FMNL3: variants seen among roughly 807,000 people sequenced by gnomAD.
FMNL3 encodes the protein formin like 3.
Under a neutral mutation model 119.6 loss-of-function variants are expected in FMNL3, and 57 were observed. The ratio of observed to expected loss-of-function variants is 0.48; its 90% CI spans 0.39 to 0.59. The LOEUF (loss-of-function observed/expected upper bound fraction) is 0.59, where lower values mean the gene tolerates loss of function less well. Ranked by LOEUF, FMNL3 falls within the 20% of genes least tolerant of loss-of-function variation. The pLI is 0.00. For missense variants in FMNL3, 1,053 were observed against 1,323.5 expected, an observed-to-expected ratio of 0.80 and a Z score of 3.17; for synonymous variants, 491 against 507.3, an observed-to-expected ratio of 0.97 and a Z score of 0.43.
chr12:49,692,034 C>CAAAAAAAA (rs773991970), intron 1 of FMNL3, among the ~76,000 whole-genome samples: 3 of 23,120 alleles, frequency 1.3e-4, no homozygotes, highest in Non-Finnish European at 2.1e-4. Context: ...GACTCCATCT[C>CAAAAAAAA]AAAAAAAAAA....
At chr12:49,689,651 G>C (rs1248859295) in intron 1 of FMNL3, among the ~76,000 whole-genome samples, 1 of 152,194 alleles carries the variant, frequency 6.6e-6, no homozygotes, top group Non-Finnish European at 1.5e-5. Flanking sequence ...AGGAGTTGGA[G>C]GCTACAGTAA....
In FMNL3 at chr12:49,642,043, C is replaced by T. The variant is rs749877244; in HGVS notation, c.*3772G>A. The T allele has an allele frequency of 1.7e-5, 28 of 1,605,972 alleles. No individual in the cohort carries two copies. Among genetic ancestry groups the T allele is most frequent in the South Asian group, 9.9e-5 (9 of 90,990 alleles). The stretch of plus-strand genomic sequence containing the variant: ...CAATAGTGTGAGGGGCTGGGCGGGG[C>T]GTGGGAAGTTCTCTAATTCATCTGT... On this transcript the variant is annotated 3_prime_UTR_variant, in exon 26 of 26. Coordinates refer to ENST00000335154, the MANE Select transcript of FMNL3 (RefSeq NM_175736.5). The surrounding 1 kb of genome is among the most constrained non-coding windows in gnomAD (Gnocchi z 5.8).
intron 1 of FMNL3, among the ~76,000 whole-genome samples, chr12:49,703,145 C>T (rs1449258524): frequency 2.0e-5 from 3 of 152,186 alleles, no homozygotes; most frequent in Non-Finnish European, 4.4e-5. Context: ...AACTTTTAGA[C>T]TCCATGTCAA....
chr12:49,706,865 G>T, intron 1 of FMNL3, among the ~76,000 whole-genome samples, 190 bp downstream of exon 1: 1 of 151,810 alleles, frequency 6.6e-6, no homozygotes, highest in Non-Finnish European at 1.5e-5. Context: ...TCGGTCCCGA[G>T]ATCCCCGACG....
intron 7 of FMNL3, 84 bp from the exon 8 acceptor site, chr12:49,656,983 G>A (rs1265414021): frequency 1.3e-6 from 2 of 1,532,668 alleles, no homozygotes; most frequent in African/African-American, 2.7e-5. Flanking sequence ...AGGCCCACCA[G>A]CAAACCTGTC....
At chr12:49,684,155 T>A (rs1269632944) in intron 1 of FMNL3, among the ~76,000 whole-genome samples, 2 of 152,218 alleles carry the variant, frequency 1.3e-5, no homozygotes, top group Admixed American at 1.3e-4. Context: ...TTTCTCCAGC[T>A]CTTAACACAA....
chr12:49,684,402 G>A (rs1944408874), intron 1 of FMNL3, among the ~76,000 whole-genome samples: 1 of 152,116 alleles, frequency 6.6e-6, no homozygotes, highest in African/African-American at 2.4e-5. Flanking sequence ...TAGTGCTTTT[G>A]TACTGTTATG....
At chr12:49,654,446 A>T in intron 10 of FMNL3, 144 bp from the exon 11 acceptor site, 1 of 607,886 alleles carries the variant, frequency 1.6e-6, no homozygotes, top group Non-Finnish European at 2.9e-6. Flanking sequence ...TTATGGGGGC[A>T]ATAAGAGTAT....
rs200871617 is a variant in FMNL3, at chr12:49,645,851, C to T, written c.3048G>A (p.Pro1016=). 51 of 1,606,428 alleles carry T rather than the reference C, an allele frequency of 3.2e-5. No homozygotes were observed. In the Middle Eastern group the frequency reaches 5.0e-4, roughly 16 times the overall value. The change falls in exon 26 of 26, where the codon CCG becomes CCA. Residue 1016 remains proline, a synonymous_variant. Coordinates refer to ENST00000335154, the MANE Select transcript of FMNL3 (RefSeq NM_175736.5). ...CTGGAGCCCGAGGGGGACCACTGGG[C>T]GGTGCAGCACTCCTGGCTTGGTGGC... ...VVRHQARSAA[P]PSGPPRAPGP... is the part of the protein sequence containing the mutation.
chr12:49,701,981 C>CA (rs1282771593), intron 1 of FMNL3, among the ~76,000 whole-genome samples: 1 of 151,868 alleles, frequency 6.6e-6, no homozygotes, highest in Non-Finnish European at 1.5e-5. Flanking sequence ...ATAACAAAAG[C>CA]AAAAAACAAA....
rs1278510739 is a variant in FMNL3 at position 49,645,112 on chromosome 12, A to G, written c.*703T>C. Reference sequence around the variant, plus strand: ...TGCTCCTTGTCCCCTGCCAAAAAAAAAAAAAAAAAAAAAAAAACCGTAGCT... The same window carrying G: ...TGCTCCTTGTCCCCTGCCAAAAAAAGAAAAAAAAAAAAAAAAACCGTAGCT... On this transcript the variant is annotated 3_prime_UTR_variant, in exon 26 of 26. Transcript: ENST00000335154. 6.6e-6 allele frequency: 1 copy of G among 151,186 alleles called. No homozygotes were observed. The highest frequency in any genetic ancestry group is 1.5e-5 in the Non-Finnish European group (1 of 67,734). The allele number at this position is 151,186 out of a possible 1,614,324, so 9.4% of individuals were successfully genotyped here. A position where few individuals can be genotyped will look rare whatever the true frequency, so the allele number is the denominator to read the frequency against.
In FMNL3 at chr12:49,648,347, A is replaced by G; in HGVS notation, c.2522T>C (p.Leu841Pro). Residue 841 changes from leucine (L) to proline (P), a missense_variant, in exon 22 of 26, where the codon CTG (leucine) becomes CCG (proline). By Grantham distance (98) the Leu-to-Pro change is moderately conservative (BLOSUM62 -3). This residue lies in a region of FMNL3 where 324 missense variants were observed against 380.9 expected (regional missense o/e 0.85). Coordinates refer to ENST00000335154, the MANE Select transcript of FMNL3 (RefSeq NM_175736.5). The stretch of plus-strand genomic sequence containing the variant: ...CTTCACGTCCAGCAGCACGTTCTCC[A>G]GGGACACTGGTCACCAAAAGCCTGG... ...HFVEKAAAVS[L>P]ENVLLDVKEL... 6.2e-7 allele frequency: 1 copy of G among 1,611,292 alleles called. No homozygotes were observed. The highest frequency in any genetic ancestry group is 8.5e-7 in the Non-Finnish European group (1 of 1,178,218).
chr12:49,692,017 G>A (rs561724614), intron 1 of FMNL3, among the ~76,000 whole-genome samples: 181 of 121,088 alleles, frequency 1.5e-3, no homozygotes, highest in African/African-American at 4.9e-3. Flanking sequence ...CCTGGCTGAC[G>A]TAGCAAGACT....
intron 1 of FMNL3, among the ~76,000 whole-genome samples, chr12:49,685,896 G>T (rs1166629435): frequency 6.6e-6 from 1 of 151,894 alleles, no homozygotes; most frequent in Non-Finnish European, 1.5e-5. Flanking sequence ...GTGAAACCCC[G>T]TCTCTACTAA....
At chr12:49,689,702 C>A (rs763282907) in intron 1 of FMNL3, among the ~76,000 whole-genome samples, 1 of 152,194 alleles carries the variant, frequency 6.6e-6, no homozygotes, top group African/African-American at 2.4e-5. Context: ...GGTGACAGAG[C>A]AAGCCCATTT....
At chr12:49,687,497 A>C (rs1944496988) in intron 1 of FMNL3, among the ~76,000 whole-genome samples, 1 of 152,184 alleles carries the variant, frequency 6.6e-6, no homozygotes, top group Non-Finnish European at 1.5e-5. Flanking sequence ...GACTACAGGC[A>C]CATGCCACCA....
rs1943139183 is a variant in FMNL3 at position 49,645,404 on chromosome 12, C to A, written c.*411G>T. 6.2e-6 allele frequency: 1 copy of A among 161,122 alleles called. No homozygotes were observed. Among genetic ancestry groups the A allele is most frequent in the Non-Finnish European group, 1.3e-5 (1 of 74,078 alleles). 10.0% of individuals were successfully genotyped at this position (161,122 alleles called of 1,614,324 possible). On this transcript the variant is annotated 3_prime_UTR_variant, in exon 26 of 26. Transcript: ENST00000335154. ...TGGCAGGGTCCCAGGGCTCCCTAAG[C>A]CTAGATACATCTAGACCAGAGCTGA...
chr12:49,686,034 T>C (rs376626962), intron 1 of FMNL3, among the ~76,000 whole-genome samples: 1 of 152,034 alleles, frequency 6.6e-6, no homozygotes, highest in African/African-American at 2.4e-5. Flanking sequence ...GCCACTGTAC[T>C]CCACCCTGGG....
chr12:49,641,469 T>C lies in FMNL3; in HGVS notation c.*4346A>G, dbSNP rs948160714. The C allele has an allele frequency of 3.0e-5, 5 of 164,774 alleles. No homozygotes were observed. Among genetic ancestry groups the C allele is most frequent in the African/African-American group, 1.2e-4 (5 of 41,720 alleles). The allele number at this position is 164,774 out of a possible 1,614,324, so 10.2% of individuals were successfully genotyped here. On this transcript the variant is annotated 3_prime_UTR_variant, in exon 26 of 26. Transcript: ENST00000335154. ...TAAATGTAGAACCAAGAGGATTAAA[T>C]GAGATAATGTGTGAAACACTCATCA...
Sources: allele counts gnomAD v4.1 joint callset (sites outside exome capture counted in the v4.1 genomes callset), GRCh38; gene constraint gnomAD v4.1.1; regional missense constraint gnomAD v4.1.1; non-coding constraint Gnocchi (gnomAD v3.1); transcripts MANE v1.5; gene names NCBI Gene and HGNC (gene_info 2026-07-23, HGNC 2026-07-21).